The following DSCAM variants were observed in gnomAD, a reference collection of about 807,000 sequenced individuals.
DSCAM encodes cell adhesion molecule DSCAM.
In DSCAM, 47 loss-of-function variants were observed where a neutral mutation model predicts 217.7. The ratio of observed to expected loss-of-function variants is 0.22; its 90% CI spans 0.17 to 0.28. DSCAM has a LOEUF of 0.28. Ranked by LOEUF, DSCAM falls within the 10% of genes least tolerant of loss-of-function variation. The pLI, the probability that DSCAM is intolerant of heterozygous loss-of-function variation, is 1.00. For missense variants in DSCAM, 2,080 were observed against 2,618.3 expected (o/e 0.79, Z 4.49); for synonymous variants, 1,056 against 1,015.3 (o/e 1.04, Z -0.76).
At chr21:40,505,874 C>T (rs2076206369) in intron 3 of DSCAM, among the ~76,000 whole-genome samples, 1 of 152,212 alleles carries the variant, frequency 6.6e-6, no homozygotes, top group African/African-American at 2.4e-5. Context: ...TGACTTTTAA[C>T]ACTTCGCCAA....
At chr21:40,697,224 T>C (rs1227425020) in intron 2 of DSCAM, among the ~76,000 whole-genome samples, 2 of 152,172 alleles carry the variant, frequency 1.3e-5, no homozygotes, top group African/African-American at 2.4e-5. Flanking sequence ...CATCCATCAT[T>C]ATATTCTTGT....
rs574252963 is a variant in DSCAM at position 40,242,041 on chromosome 21, T to C, written c.2356+34056A>G. On this transcript the variant is annotated intron_variant, in intron 11 of 32. Transcript: ENST00000400454. ...GGGAAAGGAGCAGAAAAGACAACCATTGGGTACTGAGCTTAATACCTGGGT... is the reference window on the plus strand; with the variant it reads ...GGGAAAGGAGCAGAAAAGACAACCACTGGGTACTGAGCTTAATACCTGGGT... Among the ~76,000 whole-genome samples the C allele has an allele frequency of 4.6e-5, 7 of 152,030 alleles. No homozygotes were observed. The South Asian group carries it at 8.3e-4, about 18-fold the overall frequency.
chr21:40,611,951 G>C (rs182084998), intron 3 of DSCAM, among the ~76,000 whole-genome samples: 14 of 152,342 alleles, frequency 9.2e-5, no homozygotes, highest in Admixed American at 5.2e-4. Flanking sequence ...TGTGCAAAGA[G>C]AGGAACATGA....
chr21:40,502,934 A>T (rs73362953), intron 3 of DSCAM, among the ~76,000 whole-genome samples: 2,725 of 152,222 alleles, frequency 0.018, 75 homozygotes, highest in African/African-American at 0.057. Context: ...TAACAAAACT[A>T]TCCTGAGGAG....
At chr21:40,116,941 G>C (rs1240976380) in intron 20 of DSCAM, among the ~76,000 whole-genome samples, 2 of 133,886 alleles carry the variant, frequency 1.5e-5, no homozygotes, top group Non-Finnish European at 3.1e-5. Context: ...GGCAGAGTTT[G>C]CAGTGAGCCG....
At chr21:40,515,231 A>T (rs948438039) in intron 3 of DSCAM, among the ~76,000 whole-genome samples, 1 of 152,320 alleles carries the variant, frequency 6.6e-6, no homozygotes. Context: ...CTTGAAAAAG[A>T]GTTTTTGCCT....
At chr21:40,554,039 C>T (rs1442706410) in intron 3 of DSCAM, among the ~76,000 whole-genome samples, 1 of 151,978 alleles carries the variant, frequency 6.6e-6, no homozygotes, top group African/African-American at 2.4e-5. Flanking sequence ...GCTAGATGTC[C>T]AGGCTGGAAT....
intron 3 of DSCAM, among the ~76,000 whole-genome samples, chr21:40,543,299 A>G: frequency 6.6e-6 from 1 of 152,168 alleles, no homozygotes; most frequent in East Asian, 1.9e-4. Flanking sequence ...CCCTGATTCC[A>G]GCAATCAATT....
In DSCAM at chr21:40,152,537, T is replaced by C. The variant is rs1219085554; in HGVS notation, c.3019-7806A>G. 2.0e-5 allele frequency among the ~76,000 whole-genome samples: 3 copies of C among 152,176 alleles called. No homozygotes were observed. In the East Asian group the frequency reaches 5.8e-4, roughly 29 times the overall value. ...GGCAGGTTTTTTTCTCCTGTAGTCC[T>C]CCTCAACAGCCTCCTTTCATCCTCC... On this transcript the variant is annotated intron_variant, in intron 16 of 32. Coordinates refer to ENST00000400454, the MANE Select transcript of DSCAM (RefSeq NM_001389.5).
chr21:40,392,441 A>G (rs567602873), intron 3 of DSCAM, among the ~76,000 whole-genome samples: 3 of 152,348 alleles, frequency 2.0e-5, no homozygotes, highest in Admixed American at 6.5e-5. Flanking sequence ...ATGAGAGTGG[A>G]TTAGAAAATG....
chr21:40,450,357 CAT>C (rs2075708572), intron 3 of DSCAM, among the ~76,000 whole-genome samples: 2 of 152,190 alleles, frequency 1.3e-5, no homozygotes, highest in African/African-American at 2.4e-5. Flanking sequence ...ATAGATCCCA[CAT>C]GTTTTTGATG....
chr21:40,133,517 A>G (rs908420389), intron 19 of DSCAM, among the ~76,000 whole-genome samples: 20 of 152,314 alleles, frequency 1.3e-4, no homozygotes, highest in Middle Eastern at 6.8e-3. Flanking sequence ...AGCTACTAAA[A>G]TTATTCTAAC....
chr21:40,412,601 A>T (rs2075333303), intron 3 of DSCAM, among the ~76,000 whole-genome samples: 1 of 152,170 alleles, frequency 6.6e-6, no homozygotes, highest in African/African-American at 2.4e-5. Flanking sequence ...TGGTGGAAGG[A>T]ATTTCTAAGC....
intron 29 of DSCAM, 139 bp from the exon 30 acceptor site, chr21:40,052,246 A>T: frequency 1.1e-6 from 1 of 946,534 alleles, no homozygotes; most frequent in Non-Finnish European, 1.5e-6. Context: ...GACAAAAATG[A>T]TTGAAAATTC....
intron 3 of DSCAM, among the ~76,000 whole-genome samples, chr21:40,598,445 T>C (rs183327425): frequency 6.6e-6 from 1 of 152,120 alleles, no homozygotes; most frequent in Non-Finnish European, 1.5e-5. Context: ...AGAAGCGTGA[T>C]TGCTGGATCC....
chr21:40,569,329 G>A (rs2076788464), intron 3 of DSCAM, among the ~76,000 whole-genome samples: 1 of 152,150 alleles, frequency 6.6e-6, no homozygotes, highest in Admixed American at 6.5e-5. Flanking sequence ...CCCTTATCTA[G>A]GTGTTGCTAT....
At chr21:40,329,737 T>C (rs886178399) in intron 8 of DSCAM, among the ~76,000 whole-genome samples, 3 of 152,042 alleles carry the variant, frequency 2.0e-5, no homozygotes, top group African/African-American at 7.2e-5. Flanking sequence ...TAGTCCTTTG[T>C]GACAATATGG....
At chr21:40,357,882 A>G (rs960730597) in intron 4 of DSCAM, among the ~76,000 whole-genome samples, 3 of 152,164 alleles carry the variant, frequency 2.0e-5, no homozygotes, top group Non-Finnish European at 4.4e-5. Context: ...AAAAACAAAA[A>G]ATGTGAGAAT....
intron 8 of DSCAM, among the ~76,000 whole-genome samples, chr21:40,319,437 ATG>A (rs536367981): frequency 7.3e-5 from 11 of 151,464 alleles, no homozygotes; most frequent in Admixed American, 2.6e-4. Context: ...TCGTGTGTGC[ATG>A]TGTGTGTGTG....
Sources: gnomAD v4.1 joint callset for allele counts (sites outside exome capture counted in the v4.1 genomes callset) on GRCh38, gnomAD v4.1.1 for gene constraint, MANE v1.5 for transcripts, NCBI Gene and HGNC (gene_info 2026-07-23, HGNC 2026-07-21) for gene names.